The following TRAFD1 variants were observed in gnomAD, a reference collection of about 807,000 sequenced individuals.
TRAFD1 encodes TRAF-type zinc finger domain-containing protein 1.
TRAFD1 carries 38 observed loss-of-function variants against 65.3 expected under a neutral mutation model. The observed-to-expected ratio is 0.58, with a 90% confidence interval of 0.45 to 0.76. The LOEUF is 0.76. Ranked by LOEUF, TRAFD1 falls within the 30% of genes least tolerant of loss-of-function variation. The probability of loss-of-function intolerance (pLI) is 0.00; values close to 1 mark genes in which losing one functional copy is unlikely to be tolerated. For missense variants in TRAFD1, 631 were observed against 712.6 expected, an observed-to-expected ratio of 0.89 and a Z score of 1.30; for synonymous variants, 223 against 257.2, an observed-to-expected ratio of 0.87 and a Z score of 1.27.
chr12:112,139,458 C>T (rs1398459087), intron 4 of TRAFD1, among the ~76,000 whole-genome samples: 3 of 150,766 alleles, frequency 2.0e-5, no homozygotes, highest in African/African-American at 7.3e-5. Flanking sequence ...GTTTTCCACT[C>T]TGTCACCTAG....
chr12:112,127,457 A>G (rs893748736), intron 1 of TRAFD1, among the ~76,000 whole-genome samples: 2 of 152,136 alleles, frequency 1.3e-5, no homozygotes, highest in African/African-American at 2.4e-5. Flanking sequence ...AGTGGCACAC[A>G]GTATGGTCTT....
chr12:112,142,384 A>G, intron 6 of TRAFD1, 89 bp downstream of exon 6: 6 of 1,419,710 alleles, frequency 4.2e-6, no homozygotes, highest in Non-Finnish European at 5.7e-6. Flanking sequence ...AAAGATTTTA[A>G]TGAAATAGAA....
At chr12:112,125,653 C>T (rs2079531876) in intron 1 of TRAFD1, 35 bp downstream of exon 1, 1 of 152,430 alleles carries the variant, frequency 6.6e-6, no homozygotes, top group Admixed American at 6.5e-5. Context: ...CTGGAGATCC[C>T]CTGTGGCCTC....
chr12:112,143,766 T>A (rs1374141268), intron 6 of TRAFD1, among the ~76,000 whole-genome samples: 1 of 145,772 alleles, frequency 6.9e-6, no homozygotes. Flanking sequence ...AGGATCTTGC[T>A]CTGTCACCGA....
intron 7 of TRAFD1, among the ~76,000 whole-genome samples, chr12:112,147,246 T>C (rs1273999185): frequency 1.3e-5 from 2 of 151,938 alleles, no homozygotes; most frequent in Non-Finnish European, 2.9e-5. Flanking sequence ...ACCTGCCCAC[T>C]TCAGCCTCCC....
rs2030419571 is a variant in TRAFD1, at chr12:112,151,923, TCAA to T, written c.1405_1407del (p.Thr469del). 6 of 1,614,116 alleles carry T rather than the reference TCAA, an allele frequency of 3.7e-6. No homozygotes were observed. The highest frequency in any genetic ancestry group is 2.5e-6 in the Non-Finnish European group (3 of 1,180,028). On this transcript the variant is annotated inframe_deletion, in exon 10 of 12. Transcript: ENST00000412615. Reference sequence around the variant, plus strand: ...AGCTACCTATAACCAGCTATCGAGATCAACATCAGGCCCCAGACCTGGGTGCCA... The same window carrying T: ...AGCTACCTATAACCAGCTATCGAGATCATCAGGCCCCAGACCTGGGTGCCA...
chr12:112,139,265 G>A (rs2030015607), intron 4 of TRAFD1, among the ~76,000 whole-genome samples: 1 of 151,932 alleles, frequency 6.6e-6, no homozygotes, highest in South Asian at 2.1e-4. Context: ...TGGGAGGATT[G>A]CTTGAGCCCA....
rs202063445 is a variant in TRAFD1 at position 112,142,311 on chromosome 12, C to T, written c.850+16C>T. The stretch of plus-strand genomic sequence containing the variant: ...GACATAAAGGGTAGGCTTGCTTATT[C>T]TGCACTAGCCTCTTTCTCTACAGTT... On this transcript the variant is annotated intron_variant, in intron 6 of 11. Transcript: ENST00000412615. 3.8e-6 allele frequency: 6 copies of T among 1,597,950 alleles called. No homozygotes were observed. The highest frequency in any genetic ancestry group is 1.7e-5 in the Admixed American group (1 of 59,270).
intron 6 of TRAFD1, among the ~76,000 whole-genome samples, chr12:112,142,918 ATT>A (rs563224309): frequency 9.8e-5 from 14 of 142,890 alleles, no homozygotes; most frequent in Non-Finnish European, 1.1e-4. Flanking sequence ...TATTCTGAAC[ATT>A]TTTTTTTTTT....
chr12:112,153,368 G>A lies in TRAFD1; in HGVS notation c.*577G>A, dbSNP rs2030465698. ...GGGCTGTGTTTTAAGCTGCTTCCTT[G>A]GCATTTGGCATCACTGCCTTCTGTT... is the stretch of plus-strand genomic sequence containing the variant. On this transcript the variant is annotated 3_prime_UTR_variant, in exon 12 of 12. Coordinates refer to ENST00000412615, the MANE Select transcript of TRAFD1 (RefSeq NM_006700.3). 2 of 152,434 alleles carry A rather than the reference G, an allele frequency of 1.3e-5. No homozygotes were observed. The highest frequency in any genetic ancestry group is 4.8e-5 in the African/African-American group (2 of 41,414). 9.4% of individuals were successfully genotyped at this position (152,434 alleles called of 1,614,324 possible).
At position 112,130,119 on chromosome 12, in the gene TRAFD1, T is replaced by C. The variant is rs1483190734; in HGVS notation, c.-12-392T>C. ...CTGGGACTACAGGCACACATCACCA[T>C]GCCTGGGTAATTTTTTTTTTTTGTA... On this transcript the variant is annotated intron_variant, in intron 1 of 11. Transcript: ENST00000412615. This position sits in a 1 kb window ranked among gnomAD's most constrained non-coding sequence, Gnocchi z 4.4. 6.6e-6 allele frequency among the ~76,000 whole-genome samples: 1 copy of C among 151,394 alleles called. No homozygotes were observed. The highest frequency in any genetic ancestry group is 6.6e-5 in the Admixed American group (1 of 15,182).
intron 7 of TRAFD1, among the ~76,000 whole-genome samples, chr12:112,147,453 G>A (rs2030283135): frequency 6.6e-6 from 1 of 151,862 alleles, no homozygotes; most frequent in African/African-American, 2.4e-5. Context: ...TTTTTGTTTT[G>A]GGAGTACCAT....
rs896090297 is a variant in TRAFD1 at position 112,151,854 on chromosome 12, C to T, written c.1333C>T (p.Pro445Ser). The change falls in exon 10 of 12, where the codon CCC becomes TCC. Residue 445 changes from proline (P) to serine (S), a missense_variant. Coordinates refer to ENST00000412615, the MANE Select transcript of TRAFD1 (RefSeq NM_006700.3). ...TACTAAGCAGGAAACAGCTAATGGG[C>T]CCACCTCCTGTCTGCCTCCCAGCCG... Reference protein sequence around the residue: ...DDTKQETANGPTSCLPPSRPI... With the variant: ...DDTKQETANGSTSCLPPSRPI... 1 of 1,614,068 alleles carries T rather than the reference C, an allele frequency of 6.2e-7. No individual in the cohort carries two copies. The highest frequency in any genetic ancestry group is 8.5e-7 in the Non-Finnish European group (1 of 1,180,032).
At chr12:112,129,029 T>TAA (rs543476356) in intron 1 of TRAFD1, among the ~76,000 whole-genome samples, 47 of 91,500 alleles carry the variant, frequency 5.1e-4, no homozygotes, top group African/African-American at 1.3e-3. Context: ...AGACTCTGTT[T>TAA]AAAAAAAAAA....
chr12:112,142,341 T>A (rs750862870), intron 6 of TRAFD1, 46 bp downstream of exon 6: 1 of 1,573,740 alleles, frequency 6.4e-7, no homozygotes, highest in Non-Finnish European at 8.7e-7. Context: ...ACAGTTTTTG[T>A]AAGTCTTAGG....
intron 5 of TRAFD1, among the ~76,000 whole-genome samples, chr12:112,141,648 C>T (rs2030093483): frequency 6.6e-6 from 1 of 152,186 alleles, no homozygotes; most frequent in South Asian, 2.1e-4. Context: ...TTGGTATGCT[C>T]AACCTGTATC....
At position 112,137,590 on chromosome 12, in the gene TRAFD1, G is replaced by A. The variant is rs193255580; in HGVS notation, c.237+2524G>A. Among the ~76,000 whole-genome samples the A allele has an allele frequency of 3.9e-5, 6 of 151,922 alleles. No individual in the cohort carries two copies. The highest frequency in any genetic ancestry group is 3.4e-3 in the Middle Eastern group (1 of 292). The stretch of plus-strand genomic sequence containing the variant: ...ATCCTGGCTAATACGGTGAAACCCC[G>A]TCTCTACTAAAAATACATAAAATTA... On this transcript the variant is annotated intron_variant, in intron 4 of 11. Transcript: ENST00000412615. This position sits in a 1 kb window ranked among gnomAD's most constrained non-coding sequence, Gnocchi z 4.2.
At chr12:112,136,540 C>T (rs530471404) in intron 4 of TRAFD1, among the ~76,000 whole-genome samples, 99 of 152,148 alleles carry the variant, frequency 6.5e-4, no homozygotes, top group African/African-American at 2.1e-3. Flanking sequence ...ACCTTGGCCC[C>T]TCAAGGTGCT....
chr12:112,151,779 T>G (rs370039378), intron 9 of TRAFD1, 22 bp from the exon 10 acceptor site: 9 of 1,600,938 alleles, frequency 5.6e-6, no homozygotes, highest in Non-Finnish European at 7.7e-6. Context: ...TTCCTAAAGC[T>G]GTTACCATTT....
Sources: allele counts gnomAD v4.1 joint callset (sites outside exome capture counted in the v4.1 genomes callset), GRCh38; gene constraint gnomAD v4.1.1; non-coding constraint Gnocchi (gnomAD v3.1); transcripts MANE v1.5; gene names NCBI Gene and HGNC (gene_info 2026-07-23, HGNC 2026-07-21).